The following NKAIN2 variants were observed in gnomAD, a reference collection of about 807,000 sequenced individuals.
NKAIN2 encodes sodium/potassium-transporting ATPase subunit beta-1-interacting protein 2.
In NKAIN2, 14 loss-of-function variants were observed where a neutral mutation model predicts 32.6. The ratio of observed to expected loss-of-function variants is 0.43; its 90% CI spans 0.28 to 0.67. The LOEUF is 0.67. Among genes scored for constraint, NKAIN2 ranks in the 30% least tolerant of loss-of-function variants. NKAIN2 has a pLI of 0.17. For missense variants in NKAIN2, 198 were observed against 258.3 expected, an observed-to-expected ratio of 0.77 and a Z score of 1.60; for synonymous variants, 80 against 87.2, an observed-to-expected ratio of 0.92 and a Z score of 0.46.
intron 1 of NKAIN2, among the ~76,000 whole-genome samples, chr6:124,154,592 T>TAA (rs1787891951): frequency 6.6e-6 from 1 of 151,990 alleles, no homozygotes; most frequent in Non-Finnish European, 1.5e-5. Context: ...ACTCTAACTC[T>TAA]TTCTTTAAAT....
At chr6:123,812,229 C>T (rs879373212) in intron 1 of NKAIN2, among the ~76,000 whole-genome samples, 17 of 152,114 alleles carry the variant, frequency 1.1e-4, no homozygotes, top group Non-Finnish European at 2.1e-4. Flanking sequence ...GCATTTTCAG[C>T]AATACTTTTC....
At chr6:123,907,343 A>G (rs1774931730) in intron 1 of NKAIN2, among the ~76,000 whole-genome samples, 1 of 152,176 alleles carries the variant, frequency 6.6e-6, no homozygotes, top group South Asian at 2.1e-4. Flanking sequence ...TAAAATGTGA[A>G]GTTCTTTTAG....
chr6:124,667,454 A>G (rs1562314657), intron 4 of NKAIN2, among the ~76,000 whole-genome samples: 1 of 152,146 alleles, frequency 6.6e-6, no homozygotes, highest in South Asian at 2.1e-4. Context: ...TATTTCAGAA[A>G]TAAGTAAAGT....
chr6:124,735,158 T>C (rs951570530), intron 4 of NKAIN2, among the ~76,000 whole-genome samples: 6 of 151,954 alleles, frequency 3.9e-5, no homozygotes, highest in Non-Finnish European at 7.4e-5. Context: ...AGGAATTTCA[T>C]TTCTGCACAA....
chr6:124,177,549 A>C (rs1423511792), intron 1 of NKAIN2, among the ~76,000 whole-genome samples: 1 of 152,184 alleles, frequency 6.6e-6, no homozygotes, highest in East Asian at 1.9e-4. Context: ...TAGGAAATAC[A>C]AAAAAATTAA....
chr6:124,067,121 T>A (rs991727102), intron 1 of NKAIN2, among the ~76,000 whole-genome samples: 9 of 152,254 alleles, frequency 5.9e-5, no homozygotes, highest in African/African-American at 2.2e-4. Context: ...TGCTACTCAG[T>A]TCCTTTTAGG....
intron 4 of NKAIN2, among the ~76,000 whole-genome samples, chr6:124,758,274 T>C (rs574601507): frequency 6.6e-6 from 1 of 152,182 alleles, no homozygotes; most frequent in African/African-American, 2.4e-5. Context: ...AAAACTCATA[T>C]GTTAAAATCC....
At chr6:124,403,839 G>A (rs1049312428) in intron 3 of NKAIN2, among the ~76,000 whole-genome samples, 5 of 151,998 alleles carry the variant, frequency 3.3e-5, no homozygotes, top group Non-Finnish European at 7.4e-5. Context: ...TTATTAAGAT[G>A]GGTAACCATA....
In NKAIN2 at chr6:124,346,319, G is replaced by C. The variant is rs571719028; in HGVS notation, c.193-8948G>C. 1.2e-3 allele frequency among the ~76,000 whole-genome samples: 180 copies of C among 152,264 alleles called. 1 individual carries two copies. The highest frequency in any genetic ancestry group is 4.2e-3 in the African/African-American group (176 of 41,556). Reference sequence around the variant, plus strand: ...AAAAAATGTATATTCTGTTGATTTAGGGTGGAGAGTTCTGTAGATGTCTAT... The same window carrying C: ...AAAAAATGTATATTCTGTTGATTTACGGTGGAGAGTTCTGTAGATGTCTAT... On this transcript the variant is annotated intron_variant, in intron 2 of 6. Transcript: ENST00000368417.
intron 1 of NKAIN2, among the ~76,000 whole-genome samples, chr6:124,105,475 G>A (rs897500570): frequency 6.6e-6 from 1 of 152,136 alleles, no homozygotes; most frequent in Non-Finnish European, 1.5e-5. Flanking sequence ...TTGTGTCTGG[G>A]AGAGAATGAT....
At chr6:123,832,496 G>A (rs1052937084) in intron 1 of NKAIN2, among the ~76,000 whole-genome samples, 3 of 152,112 alleles carry the variant, frequency 2.0e-5, no homozygotes, top group South Asian at 2.1e-4. Flanking sequence ...GCCAAGAAGC[G>A]CAATTTTTGT....
intron 1 of NKAIN2, among the ~76,000 whole-genome samples, chr6:123,998,298 T>C (rs1489959158): frequency 6.6e-6 from 1 of 152,180 alleles, no homozygotes; most frequent in Non-Finnish European, 1.5e-5. Flanking sequence ...ATATCCTCCA[T>C]TCAAAACTGT....
At chr6:123,984,397 A>G (rs1021832863) in intron 1 of NKAIN2, among the ~76,000 whole-genome samples, 3 of 152,198 alleles carry the variant, frequency 2.0e-5, no homozygotes, top group South Asian at 2.1e-4. Context: ...TATAACTTCA[A>G]CACATGTATA....
chr6:124,358,210 A>G (rs944822410), intron 3 of NKAIN2, among the ~76,000 whole-genome samples: 3 of 152,110 alleles, frequency 2.0e-5, no homozygotes, highest in African/African-American at 7.2e-5. Flanking sequence ...AGTCTTTGCT[A>G]TTGTGAATAG....
chr6:124,559,378 A>T (rs2114887795), intron 3 of NKAIN2, among the ~76,000 whole-genome samples: 1 of 152,244 alleles, frequency 6.6e-6, no homozygotes, highest in East Asian at 1.9e-4. Context: ...GTTGTCTCAA[A>T]GAAGTGACGA....
chr6:124,302,076 G>C (rs952900803), intron 2 of NKAIN2, among the ~76,000 whole-genome samples: 1 of 152,146 alleles, frequency 6.6e-6, no homozygotes, highest in Non-Finnish European at 1.5e-5. Context: ...ACTGAATCAT[G>C]GGGGCCACTT....
chr6:124,414,535 T>C (rs1207279239), intron 3 of NKAIN2, among the ~76,000 whole-genome samples: 1 of 152,194 alleles, frequency 6.6e-6, no homozygotes, highest in Non-Finnish European at 1.5e-5. Context: ...TGGGAGATAG[T>C]CCTTCCACTT....
At chr6:123,966,502 A>G (rs1458996287) in intron 1 of NKAIN2, among the ~76,000 whole-genome samples, 1 of 152,148 alleles carries the variant, frequency 6.6e-6, no homozygotes, top group East Asian at 1.9e-4. Context: ...AGGGCAGGGG[A>G]CTATCTTTGT....
intron 1 of NKAIN2, among the ~76,000 whole-genome samples, chr6:123,827,993 T>C (rs1288269676): frequency 6.6e-6 from 1 of 152,154 alleles, no homozygotes; most frequent in African/African-American, 2.4e-5. Context: ...TATTACTTTG[T>C]GTTTGTCATG....
Sources: gnomAD v4.1 joint callset for allele counts (sites outside exome capture counted in the v4.1 genomes callset) on GRCh38, gnomAD v4.1.1 for gene constraint, MANE v1.5 for transcripts, NCBI Gene and HGNC (gene_info 2026-07-23, HGNC 2026-07-21) for gene names.